The following KIF5B variants were observed in gnomAD, a reference collection of about 807,000 sequenced individuals.
The protein encoded by KIF5B is kinesin family member 5B.
A neutral mutation model predicts 132.8 loss-of-function variants in KIF5B; 49 were observed. The observed-to-expected ratio is 0.37, with a 90% CI of 0.29 to 0.47. The LOEUF is 0.47. Among genes scored for constraint, KIF5B ranks in the 20% least tolerant of loss-of-function variants. The probability of loss-of-function intolerance (pLI) is 1.00; values close to 1 mark genes in which losing one functional copy is unlikely to be tolerated. For missense variants in KIF5B, 780 were observed against 1,144.0 expected (o/e 0.68, Z 4.59); for synonymous variants, 355 against 369.4 (o/e 0.96, Z 0.45).
intron 25 of KIF5B, among the ~76,000 whole-genome samples, chr10:32,013,160 C>T (rs932606430): frequency 2.0e-5 from 3 of 152,086 alleles, no homozygotes; most frequent in Non-Finnish European, 1.5e-5. Context: ...CTCAGCCTCC[C>T]AAGTGCTGGG....
At chr10:32,038,667 C>T in intron 5 of KIF5B, 111 bp downstream of exon 5, 1 of 702,516 alleles carries the variant, frequency 1.4e-6, no homozygotes, top group South Asian at 2.0e-5. Flanking sequence ...TTGTCTATTT[C>T]CAATAACTTA....
chr10:32,055,518 GCA>G (rs61091883), intron 1 of KIF5B, among the ~76,000 whole-genome samples: 39,524 of 149,768 alleles, frequency 0.26, 5,624 homozygotes, highest in African/African-American at 0.37. Context: ...ATCCGTAATT[GCA>G]CACACACACA....
chr10:32,049,300 T>C (rs973371417), intron 1 of KIF5B, among the ~76,000 whole-genome samples: 2 of 152,158 alleles, frequency 1.3e-5, no homozygotes, highest in African/African-American at 4.8e-5. Flanking sequence ...AATTGAGTGC[T>C]ATGAAAGTGC....
At chr10:32,042,422 C>T (rs563340762) in intron 2 of KIF5B, among the ~76,000 whole-genome samples, 24 of 152,290 alleles carry the variant, frequency 1.6e-4, no homozygotes, top group Middle Eastern at 3.4e-3. Flanking sequence ...AATTCCACAA[C>T]GCACCCCCAA....
In KIF5B at chr10:32,035,561, T is replaced by C. The variant is rs765671441; in HGVS notation, c.923A>G (p.Asn308Ser). ...IVICCSPSSY[N>S]ESETKSTLLF... ...GAGTGTAGATTTTGTTTCAGACTCA[T>C]TGTATGATGATGGAGAGCAGCAAAT... Residue 308 changes from asparagine (N) to serine (S), a missense_variant, in exon 10 of 26, where the codon AAT becomes AGT. By Grantham distance (46) the Asn-to-Ser change is conservative (BLOSUM62 1). Coordinates refer to ENST00000302418, the MANE Select transcript of KIF5B (RefSeq NM_004521.3). 2 of 1,612,526 alleles carry C rather than the reference T, an allele frequency of 1.2e-6. No individual in the cohort carries two copies. Among genetic ancestry groups the C allele is most frequent in the East Asian group, 2.2e-5 (1 of 44,718 alleles).
chr10:32,021,182 A>C (rs1202088501), intron 18 of KIF5B, 44 bp downstream of exon 18: 1 of 1,606,034 alleles, frequency 6.2e-7, no homozygotes, highest in Admixed American at 1.7e-5. Flanking sequence ...ATCAAAATTA[A>C]TACTGATTAA....
intron 1 of KIF5B, among the ~76,000 whole-genome samples, chr10:32,052,148 T>C (rs927287449): frequency 9.2e-5 from 14 of 152,262 alleles, no homozygotes; most frequent in Admixed American, 8.5e-4. Flanking sequence ...AATTTGGTTA[T>C]GAAGGACACC....
intron 7 of KIF5B, 48 bp downstream of exon 7, chr10:32,037,472 A>G (rs1265627585): frequency 4.4e-6 from 7 of 1,587,366 alleles, no homozygotes; most frequent in African/African-American, 2.7e-5. Context: ...CTGGATAAGG[A>G]TATTTTAAGC....
chr10:32,015,557 A>G lies in KIF5B; in HGVS notation c.2864T>C (p.Val955Ala), dbSNP rs1029111777. Residue 955 changes from valine to alanine, a missense_variant, in exon 25 of 26, where the codon GTG becomes GCG. Physicochemically the swap from Val to Ala is moderately conservative, Grantham distance 64. This residue lies in a region of KIF5B where 90 missense variants were observed against 101.8 expected (regional missense o/e 0.88). Transcript: ENST00000302418. ...AFVQNSQPVA[V>A]RGGGGKQV ...CACTTGTTTGCCTCCTCCACCTCGC[A>G]CTGCCACTGGCTGGCTGTTCTGAAC... 5 of 1,613,196 alleles carry G rather than the reference A, an allele frequency of 3.1e-6. No individual in the cohort carries two copies. Among genetic ancestry groups the G allele is most frequent in the Non-Finnish European group, 4.2e-6 (5 of 1,179,554 alleles).
rs756677854 is a variant in KIF5B at position 32,040,425 on chromosome 10, C to T, written c.247G>A (p.Ala83Thr). The change falls in exon 3 of 26, where the codon GCA (alanine) becomes ACA (threonine). Residue 83 changes from alanine (A) to threonine (T), a missense_variant. Ala to Thr is a moderately conservative substitution (Grantham distance 58, BLOSUM62 0). This residue lies in a region of KIF5B where 15 missense variants were observed against 48.5 expected (regional missense o/e 0.31). Transcript: ENST00000302418. Reference sequence around the variant, plus strand: ...TTCCCAGAGGATGTTTGTCCATATGCAAATATTGTTCCATTATATCCTTCA... The same window carrying T: ...TTCCCAGAGGATGTTTGTCCATATGTAAATATTGTTCCATTATATCCTTCA... Reference protein sequence around the residue: ...VLEGYNGTIFAYGQTSSGKTH... With the variant: ...VLEGYNGTIFTYGQTSSGKTH... The T allele has an allele frequency of 4.4e-6, 7 of 1,600,526 alleles. No homozygotes were observed. In the Admixed American group the frequency reaches 1.2e-4, roughly 27 times the overall value.
At chr10:32,011,583 T>G (rs765707067) in intron 25 of KIF5B, 67 bp from the exon 26 acceptor site, 54 of 152,164 alleles carry the variant, frequency 3.5e-4, no homozygotes, top group African/African-American at 1.3e-3. Flanking sequence ...GAGATAATCA[T>G]GAAGAATAAA....
chr10:32,018,248 G>C, intron 22 of KIF5B, 68 bp downstream of exon 22: 1 of 1,444,936 alleles, frequency 6.9e-7, no homozygotes. Flanking sequence ...ATTTCACTTT[G>C]AATACAAATA....
At chr10:32,011,902 A>AACT (rs1039960077) in intron 25 of KIF5B, among the ~76,000 whole-genome samples, 3 of 152,088 alleles carry the variant, frequency 2.0e-5, no homozygotes, top group Admixed American at 2.0e-4. Flanking sequence ...ACTAACCAGC[A>AACT]ACTACTAGTT....
chr10:32,055,054 T>C (rs775683106), intron 1 of KIF5B, among the ~76,000 whole-genome samples: 9 of 152,192 alleles, frequency 5.9e-5, no homozygotes, highest in Admixed American at 1.3e-4. Flanking sequence ...AAACAAAAAG[T>C]TAATACTTTT....
intron 2 of KIF5B, among the ~76,000 whole-genome samples, chr10:32,045,745 G>T (rs1841599588): frequency 6.6e-6 from 1 of 152,118 alleles, no homozygotes; most frequent in South Asian, 2.1e-4. Context: ...TATTCAACTG[G>T]TACTTTGGGC....
At chr10:32,048,158 T>C (rs1411661166) in intron 2 of KIF5B, among the ~76,000 whole-genome samples, 3 of 152,182 alleles carry the variant, frequency 2.0e-5, no homozygotes, top group African/African-American at 7.2e-5. Flanking sequence ...ACTGTTCTCT[T>C]TCTAGAACTG....
chr10:32,045,401 C>T (rs1841596146), intron 2 of KIF5B, among the ~76,000 whole-genome samples: 1 of 152,160 alleles, frequency 6.6e-6, no homozygotes, highest in African/African-American at 2.4e-5. Flanking sequence ...CTATTTACTA[C>T]CATCTTCCAC....
intron 1 of KIF5B, among the ~76,000 whole-genome samples, chr10:32,052,642 G>A (rs1009293378): frequency 4.0e-5 from 6 of 151,772 alleles, no homozygotes; most frequent in Non-Finnish European, 8.8e-5. Flanking sequence ...ATTTTTTTCT[G>A]GTGTTTCCAG....
intron 13 of KIF5B, among the ~76,000 whole-genome samples, chr10:32,032,448 A>G (rs907342834): frequency 6.6e-6 from 1 of 152,190 alleles, no homozygotes; most frequent in Non-Finnish European, 1.5e-5. Context: ...GAGAAGATAA[A>G]ATGAGGATCC....
Sources: allele counts gnomAD v4.1 joint callset (sites outside exome capture counted in the v4.1 genomes callset), GRCh38; gene constraint gnomAD v4.1.1; regional missense constraint gnomAD v4.1.1; transcripts MANE v1.5; gene names NCBI Gene and HGNC (gene_info 2026-07-23, HGNC 2026-07-21).